Variants in EPHB1 observed in about 807,000 individuals in gnomAD.
The protein encoded by EPHB1 is ephrin type-B receptor 1.
In EPHB1, 30 loss-of-function variants were observed where a neutral mutation model predicts 94.4. The ratio of observed to expected loss-of-function variants is 0.32; its 90% CI spans 0.24 to 0.43. EPHB1 has a LOEUF of 0.43. Among genes scored for constraint, EPHB1 ranks in the 20% least tolerant of loss-of-function variants. The probability of loss-of-function intolerance (pLI) is 1.00; values close to 1 mark genes in which losing one functional copy is unlikely to be tolerated. For synonymous variants in EPHB1, 522 were observed against 489.1 expected (o/e 1.07, Z -0.89); for missense variants, 1,055 against 1,308.3 (o/e 0.81, Z 2.99).
intron 5 of EPHB1, among the ~76,000 whole-genome samples, chr3:135,144,534 A>G (rs1378370687): frequency 6.6e-6 from 1 of 152,192 alleles, no homozygotes; most frequent in Non-Finnish European, 1.5e-5. Flanking sequence ...ATATGATCCC[A>G]ATAAAGAATG....
rs887499365 is a variant in EPHB1 at position 135,252,277 on chromosome 3, C to G, written c.2846+2786C>G. On this transcript the variant is annotated intron_variant, in intron 15 of 15. Coordinates refer to ENST00000398015, the MANE Select transcript of EPHB1 (RefSeq NM_004441.5). ...ATGTGCACATTGTGCAGGTTAGTTA[C>G]ATATGTATACATGTGCCATGCTGGT... Among the ~76,000 whole-genome samples the G allele has an allele frequency of 4.0e-5, 6 of 150,998 alleles. No homozygotes were observed. In the South Asian group the frequency reaches 1.3e-3, roughly 32 times the overall value.
chr3:134,804,970 A>T (rs1421088562), intron 1 of EPHB1, among the ~76,000 whole-genome samples: 1 of 152,196 alleles, frequency 6.6e-6, no homozygotes, highest in Non-Finnish European at 1.5e-5. Flanking sequence ...AGCAGAGAGA[A>T]TACCTTATCT....
At chr3:135,046,119 C>T (rs990736054) in intron 3 of EPHB1, among the ~76,000 whole-genome samples, 9 of 152,090 alleles carry the variant, frequency 5.9e-5, no homozygotes, top group Admixed American at 1.3e-4. Flanking sequence ...CCAGTTTTCT[C>T]GCTGTTTTAT....
intron 1 of EPHB1, chr3:134,823,703 C>A (rs988617259): frequency 2.6e-5 from 4 of 152,220 alleles, no homozygotes; most frequent in Non-Finnish European, 5.9e-5. Flanking sequence ...ATTCAGGAAG[C>A]TGGTAAGTTT....
chr3:135,068,552 T>C (rs1225848886), intron 3 of EPHB1, among the ~76,000 whole-genome samples: 1 of 152,194 alleles, frequency 6.6e-6, no homozygotes, highest in Non-Finnish European at 1.5e-5. Flanking sequence ...GATACTATTG[T>C]CTTGTCAGAT....
chr3:134,934,402 T>C (rs1451443320), intron 2 of EPHB1, among the ~76,000 whole-genome samples: 1 of 152,126 alleles, frequency 6.6e-6, no homozygotes, highest in African/African-American at 2.4e-5. Flanking sequence ...GAGATTCAGA[T>C]GCTGCTCTGG....
At chr3:135,151,219 G>T (rs556133099) in intron 5 of EPHB1, among the ~76,000 whole-genome samples, 40 of 152,250 alleles carry the variant, frequency 2.6e-4, no homozygotes, top group African/African-American at 9.1e-4. Flanking sequence ...ACATCACCGT[G>T]CCTTGTTGAC....
chr3:135,082,170 T>C (rs1169468917), intron 3 of EPHB1, among the ~76,000 whole-genome samples: 1 of 152,132 alleles, frequency 6.6e-6, no homozygotes, highest in Non-Finnish European at 1.5e-5. Flanking sequence ...GTGGGAGAAC[T>C]GCAGGGGCAC....
At chr3:135,088,670 A>G (rs1409538171) in intron 3 of EPHB1, among the ~76,000 whole-genome samples, 1 of 152,190 alleles carries the variant, frequency 6.6e-6, no homozygotes, top group Non-Finnish European at 1.5e-5. Context: ...AGGATGGAAG[A>G]AGAGCTAACT....
chr3:135,099,323 G>A (rs1938941022), intron 3 of EPHB1, among the ~76,000 whole-genome samples: 2 of 9,496 alleles, frequency 2.1e-4, no homozygotes, highest in South Asian at 0.024. Context: ...ATGGATGGAC[G>A]GATGGATGGA....
intron 1 of EPHB1, among the ~76,000 whole-genome samples, chr3:134,865,853 A>G (rs566682710): frequency 5.6e-4 from 85 of 152,366 alleles, no homozygotes; most frequent in African/African-American, 1.9e-3. Flanking sequence ...TGCCATTTTT[A>G]AAGGTTAAAA....
chr3:135,132,627 T>C, intron 4 of EPHB1, 87 bp from the exon 5 acceptor site: 2 of 1,231,762 alleles, frequency 1.6e-6, no homozygotes, highest in African/African-American at 3.1e-5. Flanking sequence ...ACTGATGAGG[T>C]TGGGAATGCA....
chr3:134,852,247 A>G (rs765210991), intron 1 of EPHB1, among the ~76,000 whole-genome samples: 1 of 151,450 alleles, frequency 6.6e-6, no homozygotes, highest in Non-Finnish European at 1.5e-5. Flanking sequence ...CCTTGACCCT[A>G]AATCTATAGC....
chr3:134,907,036 A>G (rs1319762780), intron 1 of EPHB1, among the ~76,000 whole-genome samples: 2 of 152,272 alleles, frequency 1.3e-5, no homozygotes, highest in African/African-American at 4.8e-5. Flanking sequence ...ATCTGAATCC[A>G]ACTGTTTAGA....
chr3:135,259,293 T>G lies in EPHB1; in HGVS notation c.*173T>G, dbSNP rs1559896667. 2 of 504,938 alleles carry G rather than the reference T, an allele frequency of 4.0e-6. No individual in the cohort carries two copies. Among genetic ancestry groups the G allele is most frequent in the Admixed American group, 7.2e-5 (2 of 27,906 alleles). The allele number at this position is 504,938 out of a possible 1,614,324, so 31.3% of individuals were successfully genotyped here. ...CTAGCAGGCAATCTCCATTTCTCAG[T>G]GACAGAAGCATGTTTGAGATGCCGT... On this transcript the variant is annotated 3_prime_UTR_variant, in exon 16 of 16. Transcript: ENST00000398015.
intron 3 of EPHB1, among the ~76,000 whole-genome samples, chr3:135,085,429 C>G (rs1938324143): frequency 6.6e-6 from 1 of 152,206 alleles, no homozygotes. Context: ...ACATGGAAAG[C>G]TTCTGGAGGG....
intron 3 of EPHB1, among the ~76,000 whole-genome samples, chr3:135,079,438 C>T (rs1938079417): frequency 1.3e-5 from 2 of 152,184 alleles, no homozygotes; most frequent in Non-Finnish European, 2.9e-5. Flanking sequence ...GGAGCCCATG[C>T]CTCCATCCAA....
chr3:135,061,598 C>CT (rs199848672), intron 3 of EPHB1, among the ~76,000 whole-genome samples: 16 of 148,504 alleles, frequency 1.1e-4, no homozygotes, highest in African/African-American at 1.7e-4. Flanking sequence ...AGCACAGTTT[C>CT]TTTTTTTTTT....
intron 2 of EPHB1, among the ~76,000 whole-genome samples, chr3:134,947,790 T>C (rs1272326764): frequency 6.6e-6 from 1 of 152,156 alleles, no homozygotes; most frequent in Non-Finnish European, 1.5e-5. Flanking sequence ...ATCCTCATGC[T>C]GCTTATTTTA....
Sources: allele counts gnomAD v4.1 joint callset (sites outside exome capture counted in the v4.1 genomes callset), GRCh38; gene constraint gnomAD v4.1.1; transcripts MANE v1.5; gene names NCBI Gene and HGNC (gene_info 2026-07-23, HGNC 2026-07-21).